PSME3IP1: variants seen among roughly 807,000 people sequenced by gnomAD.
PSME3IP1 encodes PSME3-interacting protein.
PSME3IP1 carries 13 observed loss-of-function variants against 34.1 expected under a neutral mutation model. The ratio of observed to expected loss-of-function variants is 0.38; its 90% CI spans 0.25 to 0.61. PSME3IP1 has a LOEUF of 0.61. Ranked by LOEUF, PSME3IP1 falls within the 20% of genes least tolerant of loss-of-function variation. The pLI, the probability that PSME3IP1 is intolerant of heterozygous loss-of-function variation, is 0.60. For synonymous variants in PSME3IP1, 93 were observed against 114.3 expected (o/e 0.81, Z 1.19); for missense variants, 237 against 301.4 (o/e 0.79, Z 1.58).
At chr16:57,163,358 T>C (rs1187163424) in intron 6 of PSME3IP1, among the ~76,000 whole-genome samples, 1 of 152,156 alleles carries the variant, frequency 6.6e-6, no homozygotes, top group Non-Finnish European at 1.5e-5. Context: ...AAGCATCATC[T>C]TTTTTTGAGA....
chr16:57,172,689 G>A, intron 3 of PSME3IP1, 87 bp downstream of exon 3: 1 of 1,022,864 alleles, frequency 9.8e-7, no homozygotes, highest in Non-Finnish European at 1.5e-6. Flanking sequence ...CAATTCCACG[G>A]CTAGTTAGGA....
At chr16:57,168,504 T>TA (rs11390503) in intron 4 of PSME3IP1, among the ~76,000 whole-genome samples, 122,908 of 150,702 alleles carry the variant, frequency 0.82, 50,608 homozygotes, top group Non-Finnish European at 0.88. Flanking sequence ...CATTTTTATT[T>TA]AAAAAAAAAT....
chr16:57,185,528 A>T, intron 1 of PSME3IP1: 1 of 985,502 alleles, frequency 1.0e-6, no homozygotes, highest in Non-Finnish European at 1.2e-6. Flanking sequence ...ACTCACTTGA[A>T]ACCTGGGTGG....
At chr16:57,171,290 T>C (rs752108928) in intron 4 of PSME3IP1, among the ~76,000 whole-genome samples, 5 of 152,116 alleles carry the variant, frequency 3.3e-5, no homozygotes, top group Admixed American at 6.6e-5. Flanking sequence ...CAGGCTGCAG[T>C]ACAGTCAACA....
At chr16:57,162,317 T>C (rs2071350952) in intron 6 of PSME3IP1, among the ~76,000 whole-genome samples, 1 of 152,224 alleles carries the variant, frequency 6.6e-6, no homozygotes, top group South Asian at 2.1e-4. Context: ...ATGTCTGGAA[T>C]TGTCACAAAA....
chr16:57,156,425 G>A (rs1440450359), intron 6 of PSME3IP1, among the ~76,000 whole-genome samples: 2 of 152,208 alleles, frequency 1.3e-5, no homozygotes, highest in Admixed American at 1.3e-4. Context: ...GAAACCAGGA[G>A]TAAGCAAACA....
At chr16:57,172,470 A>T in intron 3 of PSME3IP1, 98 bp from the exon 4 acceptor site, 1 of 1,291,752 alleles carries the variant, frequency 7.7e-7, no homozygotes, top group Non-Finnish European at 1.1e-6. Flanking sequence ...TCTTCAGGGG[A>T]TTAAAAAAAA....
Position 57,178,808 on chromosome 16 carries a change from G to C in PSME3IP1, c.-15-4939C>G, listed in dbSNP as rs1423966148. On this transcript the variant is annotated intron_variant, in intron 1 of 6. Transcript: ENST00000309137. ...CACTTATCCTGCGAAAGCAGTACTT[G>C]ATGGAGACAGCGTTTTTGTTTGAAG... 9 of 985,342 alleles carry C rather than the reference G, an allele frequency of 9.1e-6. No homozygotes were observed. The African/African-American group carries it at 1.2e-4, about 13-fold the overall frequency. 61.0% of individuals were successfully genotyped at this position (985,342 alleles called of 1,614,324 possible).
chr16:57,165,949 G>T (rs1363713660), intron 5 of PSME3IP1, among the ~76,000 whole-genome samples: 2 of 151,748 alleles, frequency 1.3e-5, no homozygotes, highest in Non-Finnish European at 2.9e-5. Context: ...GCATATTCCA[G>T]TAAAACTGAC....
chr16:57,172,772 T>C lies in PSME3IP1; in HGVS notation c.226+4A>G. On this transcript the variant is annotated splice_donor_region_variant and intron_variant, in intron 3 of 6. Transcript: ENST00000309137. ...CCTTGAACTCTCTGTTTTCTGAAGC[T>C]TACTGAATTTGAACTGTTCCTCGTA... 1 of 1,605,922 alleles carries C rather than the reference T, an allele frequency of 6.2e-7. No homozygotes were observed. Among genetic ancestry groups the C allele is most frequent in the Non-Finnish European group, 8.5e-7 (1 of 1,172,640 alleles).
chr16:57,169,111 C>A (rs1226968563), intron 4 of PSME3IP1, among the ~76,000 whole-genome samples: 1 of 151,846 alleles, frequency 6.6e-6, no homozygotes, highest in Non-Finnish European at 1.5e-5. Flanking sequence ...ATTTTTGATC[C>A]GCAAAGTACA....
chr16:57,166,320 A>C (rs1347864503), intron 5 of PSME3IP1, among the ~76,000 whole-genome samples: 3 of 152,240 alleles, frequency 2.0e-5, no homozygotes, highest in Non-Finnish European at 2.9e-5. Context: ...GGATTTGGAA[A>C]GGGAGGAGCA....
At chr16:57,173,497 C>A (rs1476311705) in intron 2 of PSME3IP1, among the ~76,000 whole-genome samples, 1 of 152,148 alleles carries the variant, frequency 6.6e-6, no homozygotes, top group Admixed American at 6.5e-5. Context: ...GGCGTGGTGG[C>A]TGGTGCCTGT....
Position 57,154,067 on chromosome 16 carries a change from C to T in PSME3IP1, c.*223G>A, listed in dbSNP as rs578105880. ...CCAATATCAGTGAGGAAAGTGGCAGCGGGACAGGTTTGGTCATCTGCAGTG... is the reference window on the plus strand; with the variant it reads ...CCAATATCAGTGAGGAAAGTGGCAGTGGGACAGGTTTGGTCATCTGCAGTG... On this transcript the variant is annotated 3_prime_UTR_variant, in exon 7 of 7. Coordinates refer to ENST00000309137, the MANE Select transcript of PSME3IP1 (RefSeq NM_024946.4). This position sits in a 1 kb window ranked among gnomAD's most constrained non-coding sequence, Gnocchi z 4.0. 8 of 495,672 alleles carry T rather than the reference C, an allele frequency of 1.6e-5. No individual in the cohort carries two copies. Among genetic ancestry groups the T allele is most frequent in the Admixed American group, 7.3e-5 (2 of 27,394 alleles). The allele number at this position is 495,672 out of a possible 1,614,324, so 30.7% of individuals were successfully genotyped here. A position where few individuals can be genotyped will look rare whatever the true frequency, so the allele number is the denominator to read the frequency against.
At chr16:57,177,943 C>T (rs1403593443) in intron 1 of PSME3IP1, among the ~76,000 whole-genome samples, 1 of 152,172 alleles carries the variant, frequency 6.6e-6, no homozygotes, top group African/African-American at 2.4e-5. Flanking sequence ...GACCCATGAT[C>T]GCACCACTGC....
At chr16:57,158,355 G>A (rs1379109607) in intron 6 of PSME3IP1, among the ~76,000 whole-genome samples, 4 of 151,384 alleles carry the variant, frequency 2.6e-5, no homozygotes, top group Admixed American at 1.3e-4. Context: ...TGGGAGACTG[G>A]GGCGGGTGGA....
intron 1 of PSME3IP1, among the ~76,000 whole-genome samples, chr16:57,183,199 T>C (rs2073887868): frequency 6.6e-6 from 1 of 152,202 alleles, no homozygotes; most frequent in South Asian, 2.1e-4. Flanking sequence ...AGAATAACCA[T>C]CTTTAACTTG....
chr16:57,153,548 T>C lies in PSME3IP1; in HGVS notation c.*742A>G, dbSNP rs1308208381. On this transcript the variant is annotated 3_prime_UTR_variant, in exon 7 of 7. Coordinates refer to ENST00000309137, the MANE Select transcript of PSME3IP1 (RefSeq NM_024946.4). ...TTCTCTAAAATTTAGAATCTTAAAC[T>C]AAATCCTTTATTTCAAAAACAAACA... 1 of 152,242 alleles carries C rather than the reference T, an allele frequency of 6.6e-6. No homozygotes were observed. The highest frequency in any genetic ancestry group is 1.5e-5 in the Non-Finnish European group (1 of 68,050). The allele number at this position is 152,242 out of a possible 1,614,324, so 9.4% of individuals were successfully genotyped here.
At chr16:57,182,739 G>A (rs771674344) in intron 1 of PSME3IP1, among the ~76,000 whole-genome samples, 33 of 150,578 alleles carry the variant, frequency 2.2e-4, no homozygotes, top group South Asian at 6.3e-4. Context: ...GTGAAACTCC[G>A]TCTCTACTAA....
Sources: gnomAD v4.1 joint callset for allele counts (sites outside exome capture counted in the v4.1 genomes callset) on GRCh38, gnomAD v4.1.1 for gene constraint, Gnocchi (gnomAD v3.1) non-coding constraint, MANE v1.5 for transcripts, NCBI Gene and HGNC (gene_info 2026-07-23, HGNC 2026-07-21) for gene names.